DENND4A: variants seen among roughly 807,000 people sequenced by gnomAD.
DENND4A encodes the protein DENN domain containing 4A, also known as C-myc promoter-binding protein.
A neutral mutation model predicts 199.3 loss-of-function variants in DENND4A; 70 were observed. That is an observed-to-expected ratio of 0.35 (90% confidence interval 0.29 to 0.43). The LOEUF is 0.43. Among genes scored for constraint, DENND4A ranks in the 20% least tolerant of loss-of-function variants. The pLI is 1.00. For synonymous variants in DENND4A, 686 were observed against 766.9 expected (o/e 0.89, Z 1.74); for missense variants, 1,723 against 2,255.8 (o/e 0.76, Z 4.78).
At chr15:65,772,577 C>A (rs1051528656) in intron 1 of DENND4A, among the ~76,000 whole-genome samples, 2 of 151,412 alleles carry the variant, frequency 1.3e-5, no homozygotes, top group Non-Finnish European at 1.5e-5. Context: ...CATGGTGGCA[C>A]CCGCCTGTAA....
chr15:65,696,435 A>C lies in DENND4A; in HGVS notation c.3013T>G (p.Ser1005Ala). 1 of 1,612,900 alleles carries C rather than the reference A, an allele frequency of 6.2e-7. No individual in the cohort carries two copies. The highest frequency in any genetic ancestry group is 8.5e-7 in the Non-Finnish European group (1 of 1,179,200). Residue 1005 changes from serine to alanine, a missense_variant, in exon 22 of 33, where the codon TCT (serine) becomes GCT (alanine). This residue lies in a region of DENND4A where 650 missense variants were observed against 738.1 expected (regional missense o/e 0.88). Transcript: ENST00000443035. Reference protein sequence around the residue: ...DCLPKLSYQNSSSIVRLTGTS... With the variant: ...DCLPKLSYQNASSIVRLTGTS... Reference sequence around the variant, plus strand: ...CCAGTGAGGCGAACGATACTGGAAGAATTTTGATAACTGAGCTTAGGAAGG... The same window carrying C: ...CCAGTGAGGCGAACGATACTGGAAGCATTTTGATAACTGAGCTTAGGAAGG...
chr15:65,688,469 C>A (rs2076867335), intron 23 of DENND4A, among the ~76,000 whole-genome samples: 1 of 152,142 alleles, frequency 6.6e-6, no homozygotes, highest in African/African-American at 2.4e-5. Context: ...TATAATACTT[C>A]CGAGATTGTT....
At chr15:65,672,504 G>A (rs2076245474) in intron 24 of DENND4A, among the ~76,000 whole-genome samples, 1 of 151,890 alleles carries the variant, frequency 6.6e-6, no homozygotes, top group Non-Finnish European at 1.5e-5. Context: ...GGTGGTGTGT[G>A]CTTATAGTCA....
At position 65,761,414 on chromosome 15, in the gene DENND4A, C is replaced by T. The variant is rs1567087183; in HGVS notation, c.-77G>A. 1 of 152,278 alleles carries T rather than the reference C, an allele frequency of 6.6e-6. No individual in the cohort carries two copies. The highest frequency in any genetic ancestry group is 1.5e-5 in the Non-Finnish European group (1 of 68,022). The allele number at this position is 152,278 out of a possible 1,614,324, so 9.4% of individuals were successfully genotyped here. A position where few individuals can be genotyped will look rare whatever the true frequency, so the allele number is the denominator to read the frequency against. On this transcript the variant is annotated 5_prime_UTR_variant, in exon 2 of 33. Coordinates refer to ENST00000443035, the MANE Select transcript of DENND4A (RefSeq NM_001320835.1). ...ATGACAGATTTCAATGTGTGAACTCCGCAGCCTCAGAGTTTGAGAAATAAC... is the reference window on the plus strand; with the variant it reads ...ATGACAGATTTCAATGTGTGAACTCTGCAGCCTCAGAGTTTGAGAAATAAC...
chr15:65,683,950 ACATTT>A (rs1282531799), intron 23 of DENND4A, among the ~76,000 whole-genome samples: 11 of 152,208 alleles, frequency 7.2e-5, no homozygotes, highest in African/African-American at 2.7e-4. Context: ...CCTTTTCTGG[ACATTT>A]CATATCAATG....
At chr15:65,695,501 G>C (rs1392672512) in intron 22 of DENND4A, among the ~76,000 whole-genome samples, 2 of 152,106 alleles carry the variant, frequency 1.3e-5, no homozygotes, top group African/African-American at 4.8e-5. Flanking sequence ...GGGCAAATTT[G>C]GTCCTTGGGC....
chr15:65,685,506 T>C (rs1464012211), intron 23 of DENND4A, among the ~76,000 whole-genome samples: 2 of 152,266 alleles, frequency 1.3e-5, no homozygotes, highest in African/African-American at 4.8e-5. Context: ...AGTGTCTACA[T>C]TCACCTACAG....
intron 14 of DENND4A, among the ~76,000 whole-genome samples, chr15:65,708,827 T>C (rs1001211379): frequency 1.3e-5 from 2 of 152,202 alleles, no homozygotes; most frequent in Admixed American, 6.5e-5. Context: ...CAGGAACAGA[T>C]TGTAAGGATT....
intron 2 of DENND4A, among the ~76,000 whole-genome samples, chr15:65,759,173 C>A (rs1303847750): frequency 1.3e-5 from 2 of 152,160 alleles, no homozygotes; most frequent in African/African-American, 4.8e-5. Flanking sequence ...AGTATTCCCA[C>A]TATTTTCTTT....
rs905556262 is a variant in DENND4A, at chr15:65,708,765, T to A, written c.1954-2541A>T. On this transcript the variant is annotated intron_variant, in intron 14 of 32. Transcript: ENST00000443035. ...GGATTCTTGGGAAACCAAGAAAAAA[T>A]CTTACCAGACTATTTGTTACACAAA... Among the ~76,000 whole-genome samples, 7 of 152,092 alleles carry A rather than the reference T, an allele frequency of 4.6e-5. No individual in the cohort carries two copies. In the East Asian group the frequency reaches 1.3e-3, roughly 29 times the overall value.
intron 17 of DENND4A, 101 bp from the exon 18 acceptor site, chr15:65,701,991 A>AGT: frequency 6.7e-7 from 1 of 1,503,100 alleles, no homozygotes; most frequent in East Asian, 2.3e-5. Flanking sequence ...GGCAGGGCAC[A>AGT]GTGGCTCATG....
rs779083333 is a variant in DENND4A at position 65,741,694 on chromosome 15, T to G, written c.631+21A>C. 5.6e-6 allele frequency: 9 copies of G among 1,604,706 alleles called. No individual in the cohort carries two copies. In the Admixed American group the frequency reaches 1.5e-4, roughly 27 times the overall value. ...TATAATACATTTATATATGAAGTAT[T>G]GCATGAAAAATTACACTTACCAGCT... On this transcript the variant is annotated intron_variant, in intron 5 of 32. Transcript: ENST00000443035.
chr15:65,783,587 G>T (rs2077490163), intron 1 of DENND4A, among the ~76,000 whole-genome samples: 1 of 152,106 alleles, frequency 6.6e-6, no homozygotes, highest in Admixed American at 6.6e-5. Context: ...TAGAACCAGG[G>T]ATCCTTGGAA....
rs149983486 is a variant in DENND4A at position 65,683,933 on chromosome 15, A to G, written c.4179+6482T>C. Among the ~76,000 whole-genome samples the G allele has an allele frequency of 3.7e-3, 563 of 152,326 alleles. 3 individuals carry two copies. The highest frequency in any genetic ancestry group is 0.013 in the African/African-American group (543 of 41,578). On this transcript the variant is annotated intron_variant, in intron 23 of 32. Transcript: ENST00000443035. Reference sequence around the variant, plus strand: ...GCAACCACTAATATACTGTGTCTACAGATTTGCCTTTTCTGGACATTTCAT... The same window carrying G: ...GCAACCACTAATATACTGTGTCTACGGATTTGCCTTTTCTGGACATTTCAT...
At chr15:65,735,034 G>C (rs1454666027) in intron 7 of DENND4A, among the ~76,000 whole-genome samples, 1 of 152,142 alleles carries the variant, frequency 6.6e-6, no homozygotes, top group East Asian at 1.9e-4. Flanking sequence ...AGTTAGCCAT[G>C]ATCATGCCAC....
At chr15:65,725,681 AAT>A (rs1270498904) in intron 11 of DENND4A, among the ~76,000 whole-genome samples, 1 of 97,210 alleles carries the variant, frequency 1.0e-5, no homozygotes. Flanking sequence ...TGTCTCAAAA[AAT>A]AAAAATAAAA....
intron 2 of DENND4A, among the ~76,000 whole-genome samples, chr15:65,757,568 G>C (rs1004810546): frequency 6.6e-6 from 1 of 152,158 alleles, no homozygotes; most frequent in African/African-American, 2.4e-5. Context: ...AGGGAGGGTA[G>C]CGGGGGAGTC....
intron 20 of DENND4A, among the ~76,000 whole-genome samples, chr15:65,700,034 T>G (rs557109445): frequency 6.6e-6 from 1 of 151,914 alleles, no homozygotes; most frequent in Non-Finnish European, 1.5e-5. Context: ...TTAAAATCAC[T>G]TAAGATTTAG....
At chr15:65,777,958 C>T (rs1046882297) in intron 1 of DENND4A, among the ~76,000 whole-genome samples, 32 of 151,940 alleles carry the variant, frequency 2.1e-4, no homozygotes, top group East Asian at 1.6e-3. Context: ...CGCTTGAACC[C>T]GGAGGCAGAG....
Sources: allele counts gnomAD v4.1 joint callset (sites outside exome capture counted in the v4.1 genomes callset), GRCh38; gene constraint gnomAD v4.1.1; regional missense constraint gnomAD v4.1.1; transcripts MANE v1.5; gene names NCBI Gene and HGNC (gene_info 2026-07-23, HGNC 2026-07-21).